NUP210: variants seen among roughly 807,000 people sequenced by gnomAD.
The protein encoded by NUP210 is nuclear pore membrane glycoprotein 210.
Under a neutral mutation model 196.0 loss-of-function variants are expected in NUP210, and 151 were observed. The ratio of observed to expected loss-of-function variants is 0.77; its 90% CI spans 0.67 to 0.88. NUP210 has a LOEUF of 0.88. Ranked by LOEUF, NUP210 falls within the 40% of genes least tolerant of loss-of-function variation. The pLI is 0.00. For synonymous variants in NUP210, 1,070 were observed against 1,052.7 expected, an observed-to-expected ratio of 1.02 and a Z score of -0.32; for missense variants, 2,314 against 2,493.7, an observed-to-expected ratio of 0.93 and a Z score of 1.53.
At chr3:13,365,260 C>T (rs1490780943) in intron 14 of NUP210, among the ~76,000 whole-genome samples, 1 of 152,206 alleles carries the variant, frequency 6.6e-6, no homozygotes, top group East Asian at 1.9e-4. Context: ...GTGTTCTGAG[C>T]TCATTCCATT....
intron 28 of NUP210, among the ~76,000 whole-genome samples, chr3:13,332,988 C>T (rs1697060549): frequency 6.6e-6 from 1 of 152,242 alleles, no homozygotes; most frequent in Non-Finnish European, 1.5e-5. Context: ...CTCACAGAGA[C>T]ATCCTGCTCC....
chr3:13,352,476 C>T (rs1698014048), intron 18 of NUP210, among the ~76,000 whole-genome samples: 1 of 152,242 alleles, frequency 6.6e-6, no homozygotes. Flanking sequence ...CACACACACG[C>T]CCTGCCTTGC....
At chr3:13,406,403 C>T (rs1700002990) in intron 1 of NUP210, among the ~76,000 whole-genome samples, 1 of 152,192 alleles carries the variant, frequency 6.6e-6, no homozygotes, top group South Asian at 2.1e-4. Context: ...GTGGCTACAA[C>T]AGCTAACACA....
At chr3:13,319,016 G>A (rs983450560) in intron 39 of NUP210, 56 bp downstream of exon 39, 54 of 1,508,398 alleles carry the variant, frequency 3.6e-5, no homozygotes, top group Non-Finnish European at 4.6e-5. Context: ...CCTCCCCCAG[G>A]GCTCTTCTCT....
intron 29 of NUP210, among the ~76,000 whole-genome samples, chr3:13,331,938 T>A (rs531550895): frequency 1.3e-5 from 2 of 152,254 alleles, no homozygotes; most frequent in East Asian, 3.9e-4. Flanking sequence ...CATCTTCTCT[T>A]CCCGGTGATG....
intron 37 of NUP210, 135 bp from the exon 38 acceptor site, chr3:13,319,460 C>G (rs968888863): frequency 2.6e-6 from 2 of 771,942 alleles, no homozygotes; most frequent in African/African-American, 3.5e-5. Context: ...TCTCAGAGGG[C>G]CAGGCCACCT....
chr3:13,358,340 A>T lies in NUP210; in HGVS notation c.2210T>A (p.Val737Glu), dbSNP rs1559327130. 6.2e-7 allele frequency: 1 copy of T among 1,613,848 alleles called. No individual in the cohort carries two copies. Among genetic ancestry groups the T allele is most frequent in the East Asian group, 2.2e-5 (1 of 44,858 alleles). ...KPSLTNPFPA[V>E]EPAVVKFVCA... The stretch of plus-strand genomic sequence containing the variant: ...GACGAACTTCACCACGGCAGGCTCC[A>T]CCGCAGGAAAGGGGTTGGTGAGGCT... The change falls in exon 16 of 40, where the codon GTG (valine) becomes GAG (glutamate). Residue 737 changes from valine to glutamate, a missense_variant. Coordinates refer to ENST00000254508, the MANE Select transcript of NUP210 (RefSeq NM_024923.4).
chr3:13,413,893 C>T (rs962698119), intron 1 of NUP210, among the ~76,000 whole-genome samples: 1 of 152,150 alleles, frequency 6.6e-6, no homozygotes, highest in African/African-American at 2.4e-5. Context: ...AATATGTAAA[C>T]CACATACAGA....
rs1440469809 is a variant in NUP210 at position 13,350,171 on chromosome 3, A to G, written c.2835+1708T>C. 6.6e-6 allele frequency among the ~76,000 whole-genome samples: 1 copy of G among 152,086 alleles called. No homozygotes were observed. The highest frequency in any genetic ancestry group is 1.9e-4 in the East Asian group (1 of 5,202). ...AGTATCAGAGACTTCTTACTGGGGA[A>G]AAGTGTGTGTGTGTGGGTGCGTGTG... On this transcript the variant is annotated intron_variant, in intron 20 of 39. Transcript: ENST00000254508. The surrounding 1 kb of genome is among the most constrained non-coding windows in gnomAD (Gnocchi z 4.1).
chr3:13,327,513 C>G, intron 31 of NUP210, 76 bp from the exon 32 acceptor site: 1 of 1,097,316 alleles, frequency 9.1e-7, no homozygotes, highest in Non-Finnish European at 1.3e-6. Flanking sequence ...AAACGTAATC[C>G]ATGTCCTCTG....
chr3:13,331,656 C>A (rs1000762202), intron 29 of NUP210, among the ~76,000 whole-genome samples: 1 of 152,200 alleles, frequency 6.6e-6, no homozygotes, highest in Non-Finnish European at 1.5e-5. Context: ...TGGAGCCTGG[C>A]ACTTTGTTAC....
In NUP210 at chr3:13,352,087, C is replaced by T; in HGVS notation, c.2726G>A (p.Gly909Asp). 1 of 1,613,670 alleles carries T rather than the reference C, an allele frequency of 6.2e-7. No homozygotes were observed. The highest frequency in any genetic ancestry group is 8.5e-7 in the Non-Finnish European group (1 of 1,179,578). ...PEEVTIYNHP[G>D]IQAELRIREG... Reference sequence around the variant, plus strand: ...GCAGGGCAAGGACTGTACCTGGATGCCAGGGTGGTTGTAGATGGTCACCTC... The same window carrying T: ...GCAGGGCAAGGACTGTACCTGGATGTCAGGGTGGTTGTAGATGGTCACCTC... Residue 909 changes from glycine to aspartate, a missense_variant, in exon 19 of 40, where the codon GGC becomes GAC. By Grantham distance (94) the Gly-to-Asp change is moderately conservative. Coordinates refer to ENST00000254508, the MANE Select transcript of NUP210 (RefSeq NM_024923.4).
At chr3:13,414,541 TCTC>T (rs1240245461) in intron 1 of NUP210, among the ~76,000 whole-genome samples, 1 of 152,054 alleles carries the variant, frequency 6.6e-6, no homozygotes, top group East Asian at 1.9e-4. Context: ...CTCCTTCCTG[TCTC>T]CTAACCACAG....
In NUP210 at chr3:13,388,429, C is replaced by T. The variant is rs199802592; in HGVS notation, c.558G>A (p.Thr186=). The stretch of plus-strand genomic sequence containing the variant: ...CTGAGATGTAAGAAGGAGGGATGTA[C>T]GTAGACTCCAAGAAAGTGAGGATTC... ...ALRILTFLES[T]YIPPSYISEM... is the part of the protein sequence containing the mutation. The change falls in exon 5 of 40, where the codon ACG becomes ACA. Residue 186 remains threonine (T), a synonymous_variant. Coordinates refer to ENST00000254508, the MANE Select transcript of NUP210 (RefSeq NM_024923.4). 1.6e-4 allele frequency: 262 copies of T among 1,608,414 alleles called. 4 individuals are homozygous for T. The East Asian group carries it at 5.5e-3, about 34-fold the overall frequency.
chr3:13,372,727 C>T (rs1227953858), intron 12 of NUP210, among the ~76,000 whole-genome samples: 1 of 152,122 alleles, frequency 6.6e-6, no homozygotes, highest in African/African-American at 2.4e-5. Context: ...ACTCACCTGG[C>T]GAAGCACTGG....
At chr3:13,358,060 C>T (rs1406133241) in intron 16 of NUP210, among the ~76,000 whole-genome samples, 162 bp downstream of exon 16, 2 of 152,202 alleles carry the variant, frequency 1.3e-5, no homozygotes, top group Non-Finnish European at 2.9e-5. Context: ...ATATAAAACA[C>T]AAATGAAACC....
chr3:13,321,488 G>A (rs1427277478), intron 36 of NUP210, 97 bp downstream of exon 36: 19 of 1,314,122 alleles, frequency 1.4e-5, no homozygotes, highest in Non-Finnish European at 1.9e-5. Flanking sequence ...TTTAAAGAGA[G>A]CTGGCCCAGG....
chr3:13,414,293 G>A (rs931555844), intron 1 of NUP210, among the ~76,000 whole-genome samples: 6 of 152,266 alleles, frequency 3.9e-5, no homozygotes, highest in Non-Finnish European at 7.3e-5. Context: ...GGCTGACAGA[G>A]CTCAGGCAGA....
At position 13,420,230 on chromosome 3, in the gene NUP210, C is replaced by T; in HGVS notation, c.-4G>A. On this transcript the variant is annotated 5_prime_UTR_variant, in exon 1 of 40. Coordinates refer to ENST00000254508, the MANE Select transcript of NUP210 (RefSeq NM_024923.4). This position sits in a 1 kb window ranked among gnomAD's most constrained non-coding sequence, Gnocchi z 4.8. Reference sequence around the variant, plus strand: ...GCCCCCGGCCCCGCGCCGCCATCCTCGCCGCGCGTCACCTCCCGCGACCCT... The same window carrying T: ...GCCCCCGGCCCCGCGCCGCCATCCTTGCCGCGCGTCACCTCCCGCGACCCT... 1.8e-6 allele frequency: 2 copies of T among 1,117,344 alleles called. No individual in the cohort carries two copies. The highest frequency in any genetic ancestry group is 1.1e-6 in the Non-Finnish European group (1 of 912,234). 69.2% of individuals were successfully genotyped at this position (1,117,344 alleles called of 1,614,324 possible).
Sources: gnomAD v4.1 joint callset for allele counts (sites outside exome capture counted in the v4.1 genomes callset) on GRCh38, gnomAD v4.1.1 for gene constraint, Gnocchi (gnomAD v3.1) non-coding constraint, MANE v1.5 for transcripts, NCBI Gene and HGNC (gene_info 2026-07-23, HGNC 2026-07-21) for gene names.